The following UBTF variants were observed in gnomAD, a reference collection of about 807,000 sequenced individuals.
UBTF encodes the protein nucleolar transcription factor 1.
Under a neutral mutation model 112.3 loss-of-function variants are expected in UBTF, and 8 were observed. That is an observed-to-expected ratio of 0.07 (90% CI 0.04 to 0.13). The LOEUF is 0.13. Among genes scored for constraint, UBTF ranks in the 10% least tolerant of loss-of-function variants. The pLI is 1.00. For missense variants in UBTF, 457 were observed against 982.1 expected (o/e 0.47, Z 7.15); for synonymous variants, 417 against 373.1 (o/e 1.12, Z -1.36).
rs1176796297 is a variant in UBTF, at chr17:44,210,427, C to T, written c.1406G>A (p.Arg469Lys). Reference protein sequence around the residue: ...REAALKAQSERKPGGEREERG... With the variant: ...REAALKAQSEKKPGGEREERG... ...TTCCTCGCGCTCCCCGCCGGGCTTC[C>T]TCTCCGACTGAGCCTTGAGCGCCGC... Residue 469 changes from arginine (R) to lysine (K), a missense_variant, in exon 14 of 21, where the codon AGG (arginine) becomes AAG (lysine). Physicochemically the swap from Arg to Lys is conservative, Grantham distance 26 (BLOSUM62 2). This residue lies in a region of UBTF where 108 missense variants were observed against 137.4 expected (regional missense o/e 0.79). Transcript: ENST00000436088. 1 of 1,613,966 alleles carries T rather than the reference C, an allele frequency of 6.2e-7. No individual in the cohort carries two copies. Among genetic ancestry groups the T allele is most frequent in the Non-Finnish European group, 8.5e-7 (1 of 1,180,012 alleles).
At chr17:44,210,732 G>A (rs1463649688) in intron 13 of UBTF, 60 bp downstream of exon 13, 1 of 1,542,954 alleles carries the variant, frequency 6.5e-7, no homozygotes. Flanking sequence ...GGCCCGCCAA[G>A]GGGAAGAGGG....
rs778672709 is a variant in UBTF at position 44,207,647 on chromosome 17, T to C, written c.2026-50A>G. ...TGGTCTCTGGTCTCTGCCCAACCATTCCAGGCAGTGCCCCCCGCCCCACGC... is the reference window on the plus strand; with the variant it reads ...TGGTCTCTGGTCTCTGCCCAACCATCCCAGGCAGTGCCCCCCGCCCCACGC... On this transcript the variant is annotated intron_variant, in intron 19 of 20. Transcript: ENST00000436088. 5 of 1,613,980 alleles carry C rather than the reference T, an allele frequency of 3.1e-6. No homozygotes were observed. The African/African-American group carries it at 6.7e-5, about 22-fold the overall frequency.
Position 44,207,580 on chromosome 17 carries a change from A to G in UBTF, c.2043T>C (p.Asp681=). The change falls in exon 20 of 21, where the codon GAT becomes GAC. Residue 681 remains aspartate (D), a synonymous_variant. Coordinates refer to ENST00000436088, the MANE Select transcript of UBTF (RefSeq NM_014233.4). The part of the protein sequence containing the change: ...LQSKSESEED[D]EEDEDDEDED... ...CGTCCTCGTCATCCTCATCCTCTTC[A>G]TCATCCTCCTCGGACTCCTTGGAGG... 1.2e-6 allele frequency: 2 copies of G among 1,613,936 alleles called. No homozygotes were observed. The highest frequency in any genetic ancestry group is 3.3e-5 in the Admixed American group (2 of 60,006).
chr17:44,216,053 C>T lies in UBTF; in HGVS notation c.235-64G>A, dbSNP rs2046828311. 24 of 1,299,812 alleles carry T rather than the reference C, an allele frequency of 1.8e-5. No individual in the cohort carries two copies. The South Asian group carries it at 2.3e-4, about 12-fold the overall frequency. 80.5% of individuals were successfully genotyped at this position (1,299,812 alleles called of 1,614,324 possible). On this transcript the variant is annotated intron_variant, in intron 3 of 20. Coordinates refer to ENST00000436088, the MANE Select transcript of UBTF (RefSeq NM_014233.4). ...AAGGAAAATGCCACACAGTAGTATA[C>T]CCCCATCTTATAACGGGTCTCTTCT...
At position 44,212,926 on chromosome 17, in the gene UBTF, C is replaced by T; in HGVS notation, c.553G>A (p.Asp185Asn). Residue 185 changes from aspartate (D) to asparagine (N), a missense_variant, in exon 7 of 21, where the codon GAC (aspartate) becomes AAC (asparagine). Asp to Asn is a conservative substitution (Grantham distance 23). Around this residue, in one of 7 missense-constraint regions of UBTF, gnomAD observed 87 missense variants for 286.6 expected, o/e 0.30. Coordinates refer to ENST00000436088, the MANE Select transcript of UBTF (RefSeq NM_014233.4). Reference sequence around the variant, plus strand: ...GATTTCTTGGCATTCTGGATTAGGTCGGGGTGATCCTCCCTAGCCAGGACA... The same window carrying T: ...GATTTCTTGGCATTCTGGATTAGGTTGGGGTGATCCTCCCTAGCCAGGACA... ...NLARFREDHPDLIQNAKKSDI... is the reference protein window; with the variant it reads ...NLARFREDHPNLIQNAKKSDI... 6.2e-7 allele frequency: 1 copy of T among 1,614,002 alleles called. No individual in the cohort carries two copies.
intron 17 of UBTF, among the ~76,000 whole-genome samples, chr17:44,208,384 C>T (rs1405486579): frequency 6.6e-6 from 1 of 152,196 alleles, no homozygotes; most frequent in Non-Finnish European, 1.5e-5. Flanking sequence ...GGATTACAGG[C>T]GTGAGCCACT....
In UBTF at chr17:44,207,382, AG is replaced by A. The variant is rs754937814; in HGVS notation, c.2170-16del. The A allele has an allele frequency of 6.2e-7, 1 of 1,612,100 alleles. No homozygotes were observed. The highest frequency in any genetic ancestry group is 8.5e-7 in the Non-Finnish European group (1 of 1,178,908). Reference sequence around the variant, plus strand: ...TCCTCTTCATTCTGGGGGGTGAGAAAGGATGTGGAGTCACCAGGTGGCCCTC... The same window carrying A: ...TCCTCTTCATTCTGGGGGGTGAGAAAGATGTGGAGTCACCAGGTGGCCCTC... On this transcript the variant is annotated splice_polypyrimidine_tract_variant and intron_variant, in intron 20 of 20. Transcript: ENST00000436088.
In UBTF at chr17:44,207,372, G is replaced by A; in HGVS notation, c.2170-5C>T. On this transcript the variant is annotated splice_region_variant and splice_polypyrimidine_tract_variant and intron_variant, in intron 20 of 20. Coordinates refer to ENST00000436088, the MANE Select transcript of UBTF (RefSeq NM_014233.4). ...GTCCTCGTCATCCTCTTCATTCTGG[G>A]GGGTGAGAAAGGATGTGGAGTCACC... 1.9e-6 allele frequency: 3 copies of A among 1,612,376 alleles called. No homozygotes were observed. Among genetic ancestry groups the A allele is most frequent in the Non-Finnish European group, 2.5e-6 (3 of 1,179,280 alleles).
At position 44,207,155 on chromosome 17, in the gene UBTF, G is replaced by A. The variant is rs145623357; in HGVS notation, c.*87C>T. The A allele has an allele frequency of 9.4e-4, 1,396 of 1,477,854 alleles. 16 individuals carry two copies. In the African/African-American group the frequency reaches 0.017, roughly 18 times the overall value. 91.5% of individuals were successfully genotyped at this position (1,477,854 alleles called of 1,614,324 possible). A position where few individuals can be genotyped will look rare whatever the true frequency, so the allele number is the denominator to read the frequency against. ...AGTGGGGGAGGCCAGGGGGGCAAGGGACAGAACATGGGGGAGAAACAAAGG... is the reference window on the plus strand; with the variant it reads ...AGTGGGGGAGGCCAGGGGGGCAAGGAACAGAACATGGGGGAGAAACAAAGG... On this transcript the variant is annotated 3_prime_UTR_variant, in exon 21 of 21. Transcript: ENST00000436088.
chr17:44,215,469 G>A (rs561753879), intron 5 of UBTF, 185 bp downstream of exon 5: 2 of 684,554 alleles, frequency 2.9e-6, no homozygotes, highest in African/African-American at 3.6e-5. Flanking sequence ...GATGGTGCCT[G>A]TGCCTGACCA....
chr17:44,215,885 C>A, intron 4 of UBTF, 21 bp downstream of exon 4: 1 of 1,613,958 alleles, frequency 6.2e-7, no homozygotes, highest in South Asian at 1.1e-5. Flanking sequence ...ACCCCTCATG[C>A]TCCTCCTCCT....
chr17:44,221,223 A>G (rs940957508), upstream of UBTF: 4 of 152,014 alleles, frequency 2.6e-5, no homozygotes, highest in Non-Finnish European at 5.9e-5. Flanking sequence ...CGGGAGGGCT[A>G]GGGGTGGGGG....
At chr17:44,214,310 A>G (rs557642331) in intron 5 of UBTF, among the ~76,000 whole-genome samples, 1 of 152,324 alleles carries the variant, frequency 6.6e-6, no homozygotes, top group East Asian at 1.9e-4. Context: ...TCCTCAGACA[A>G]AACAGTTTTA....
At chr17:44,208,964 C>G in intron 17 of UBTF, 1 of 331,500 alleles carries the variant, frequency 3.0e-6, no homozygotes, top group Non-Finnish European at 6.0e-6. Flanking sequence ...GTGGGCGGAT[C>G]ACATGAGGTC....
rs1416763889 is a variant in UBTF at position 44,209,333 on chromosome 17, G to A, written c.1905+19C>T. On this transcript the variant is annotated intron_variant, in intron 17 of 20. Coordinates refer to ENST00000436088, the MANE Select transcript of UBTF (RefSeq NM_014233.4). ...TCTGATGCCTCTCTGTTCCTTCCAA[G>A]GGTCCCTTGCCCTCTCACCTTAACC... 11 of 1,572,570 alleles carry A rather than the reference G, an allele frequency of 7.0e-6. No individual in the cohort carries two copies. Among genetic ancestry groups the A allele is most frequent in the Non-Finnish European group, 9.5e-6 (11 of 1,155,904 alleles).
At chr17:44,216,488 T>G in intron 3 of UBTF, 41 bp downstream of exon 3, 1 of 1,605,556 alleles carries the variant, frequency 6.2e-7, no homozygotes, top group Non-Finnish European at 8.5e-7. Context: ...CCACGCTGAG[T>G]GGGGGGTATG....
At position 44,216,610 on chromosome 17, in the gene UBTF, T is replaced by C. The variant is rs901738032; in HGVS notation, c.153A>G (p.Ser51=). The change falls in exon 3 of 21, where the codon TCA becomes TCG. Residue 51 remains serine (S), a synonymous_variant. Coordinates refer to ENST00000436088, the MANE Select transcript of UBTF (RefSeq NM_014233.4). ...NDSSKFKTTE[S]HMDWEKVAFK... ...ATGCTACTTTTTCCCAGTCCATGTG[T>C]GATTCGGTGGTTTTGAACTTGGAGC... The C allele has an allele frequency of 4.0e-5, 65 of 1,614,106 alleles. 1 individual carries two copies. The East Asian group carries it at 1.4e-3, about 35-fold the overall frequency.
rs1312410440 is a variant in UBTF at position 44,205,703 on chromosome 17, TTTCA to T, written c.*1535_*1538del. ...TCCCGCTCTTCCCCCATTCCTTGGC[TTTCA>T]TTCAGAGGGGGAAGGTGGAAAAGCA... On this transcript the variant is annotated 3_prime_UTR_variant, in exon 21 of 21. Transcript: ENST00000436088. 6.6e-6 allele frequency: 1 copy of T among 152,222 alleles called. No individual in the cohort carries two copies. Among genetic ancestry groups the T allele is most frequent in the Non-Finnish European group, 1.5e-5 (1 of 68,046 alleles). The allele number at this position is 152,222 out of a possible 1,614,324, so 9.4% of individuals were successfully genotyped here.
chr17:44,209,297 T>A, intron 17 of UBTF, 55 bp downstream of exon 17: 7 of 1,530,204 alleles, frequency 4.6e-6, no homozygotes, highest in Non-Finnish European at 6.2e-6. Flanking sequence ...GCTAGGATGG[T>A]GCTGGCTTAG....
Sources: gnomAD v4.1 joint callset for allele counts (sites outside exome capture counted in the v4.1 genomes callset) on GRCh38, gnomAD v4.1.1 for gene constraint, gnomAD v4.1.1 regional missense constraint, MANE v1.5 for transcripts, NCBI Gene and HGNC (gene_info 2026-07-23, HGNC 2026-07-21) for gene names.